Variants in C11orf21 observed in about 807,000 individuals in gnomAD.
C11orf21 encodes chromosome 11 open reading frame 21.
In C11orf21, 19 loss-of-function variants were observed where a neutral mutation model predicts 15.2. The observed-to-expected ratio is 1.25, with a 90% confidence interval of 0.87 to 1.84. The LOEUF (loss-of-function observed/expected upper bound fraction) is 1.84, where lower values mean the gene tolerates loss of function less well. C11orf21 is among the 40% of genes most tolerant of loss of function. C11orf21 has a pLI of 0.00. For missense variants in C11orf21, 171 were observed against 174.4 expected (o/e 0.98, Z 0.11); for synonymous variants, 62 against 66.8 (o/e 0.93, Z 0.35).
chr11:2,303,053 GC>G, upstream of C11orf21: 2 of 1,187,020 alleles, frequency 1.7e-6, no homozygotes, highest in Non-Finnish European at 2.4e-6. Flanking sequence ...CCAGAATGGT[GC>G]CAGGCCCTAG....
At chr11:2,299,364 A>G in intron 3 of C11orf21, 64 bp downstream of exon 3, 1 of 1,472,674 alleles carries the variant, frequency 6.8e-7, no homozygotes, top group Non-Finnish European at 9.0e-7. Context: ...CCCCGGTGGG[A>G]GGGGCCGCGC....
rs1847688112 is a variant in C11orf21 at position 2,300,514 on chromosome 11, T to C, written c.147+6A>G. On this transcript the variant is annotated splice_donor_region_variant and intron_variant, in intron 2 of 3. Coordinates refer to ENST00000381153, the MANE Select transcript of C11orf21 (RefSeq NM_001329958.2). ...TGGGGCACAGTGAGGGGGGCTGTGGTCAGACCTGGTCTCTGGAGGGCCAGC... is the reference window on the plus strand; with the variant it reads ...TGGGGCACAGTGAGGGGGGCTGTGGCCAGACCTGGTCTCTGGAGGGCCAGC... 2.6e-6 allele frequency: 4 copies of C among 1,541,726 alleles called. No homozygotes were observed. Among genetic ancestry groups the C allele is most frequent in the Non-Finnish European group, 3.5e-6 (4 of 1,142,638 alleles).
At chr11:2,300,777 G>A (rs767828409) in intron 1 of C11orf21, 164 bp from the exon 2 acceptor site, 11 of 1,550,358 alleles carry the variant, frequency 7.1e-6, no homozygotes, top group Admixed American at 3.9e-5. Flanking sequence ...TTCTAGGGGC[G>A]AACCAGACAT....
Position 2,299,441 on chromosome 11 carries a change from A to T in C11orf21, c.*15T>A. On this transcript the variant is annotated 3_prime_UTR_variant, in exon 3 of 4. Coordinates refer to ENST00000381153, the MANE Select transcript of C11orf21 (RefSeq NM_001329958.2). ...CCGGCTGCTCACCTCTGATGGACAG[A>T]AAAGGGTCCCTGTCTCAGGAAGGTA... 2 of 1,549,620 alleles carry T rather than the reference A, an allele frequency of 1.3e-6. No individual in the cohort carries two copies. Among genetic ancestry groups the T allele is most frequent in the Non-Finnish European group, 1.7e-6 (2 of 1,146,650 alleles).
At position 2,300,554 on chromosome 11, in the gene C11orf21, C is replaced by T. The variant is rs1847690462; in HGVS notation, c.113G>A (p.Trp38Ter). 2 of 1,549,092 alleles carry T rather than the reference C, an allele frequency of 1.3e-6. No individual in the cohort carries two copies. The highest frequency in any genetic ancestry group is 2.7e-5 in the African/African-American group (2 of 72,908). ...SQSGVEPPDR[W>*]TGTPGWPSRD... ...GGAGGGCCAGCCGGGGGTTCCCGTC[C>T]ACCTGTCAGGGGGTTCGACGCCACT... Residue 38 changes from tryptophan to a stop codon, truncating the protein, a stop_gained, in exon 2 of 4, where the codon TGG becomes TAG. Coordinates refer to ENST00000381153, the MANE Select transcript of C11orf21 (RefSeq NM_001329958.2). LOFTEE classifies it high-confidence loss of function.
chr11:2,300,733 C>T (rs1847700740), intron 1 of C11orf21, 120 bp from the exon 2 acceptor site: 13 of 1,550,876 alleles, frequency 8.4e-6, no homozygotes, highest in Non-Finnish European at 1.1e-5. Context: ...CCCGCCTCAC[C>T]AGCTCCAGGG....
At position 2,301,772 on chromosome 11, in the gene C11orf21, G is replaced by A. The variant is rs547238029; in HGVS notation, c.37C>T (p.Arg13Cys). The A allele has an allele frequency of 1.5e-5, 24 of 1,549,378 alleles. No homozygotes were observed. The highest frequency in any genetic ancestry group is 1.7e-4 in the Middle Eastern group (1 of 5,980). Residue 13 changes from arginine to cysteine, a missense_variant, in exon 1 of 4, where the codon CGC becomes TGC. Arg to Cys is a radical substitution (Grantham distance 180). Coordinates refer to ENST00000381153, the MANE Select transcript of C11orf21 (RefSeq NM_001329958.2). ...RTWCGMWRRR[R>C]PGRRSAVPRW... is the part of the protein sequence containing the mutation. ...GGAGCTCACCTCCTCCTCCCCGGGCGCCGTCTCCTCCACATCCCACACCAG... is the reference window on the plus strand; with the variant it reads ...GGAGCTCACCTCCTCCTCCCCGGGCACCGTCTCCTCCACATCCCACACCAG...
chr11:2,301,572 C>T (rs949204273), intron 1 of C11orf21, 184 bp downstream of exon 1: 55 of 552,310 alleles, frequency 1.0e-4, no homozygotes, highest in Non-Finnish European at 1.4e-4. Context: ...CCATGAGTGC[C>T]GCCCACGAAG....
intron 2 of C11orf21, among the ~76,000 whole-genome samples, chr11:2,300,102 G>C (rs1847651668): frequency 1.2e-5 from 1 of 81,378 alleles, no homozygotes; most frequent in Non-Finnish European, 2.5e-5. Flanking sequence ...GTGGGCAGGG[G>C]TTTGTGAGGG....
In C11orf21 at chr11:2,301,909, G is replaced by A; in HGVS notation, c.-101C>T. On this transcript the variant is annotated 5_prime_UTR_variant, in exon 1 of 4. Coordinates refer to ENST00000381153, the MANE Select transcript of C11orf21 (RefSeq NM_001329958.2). ...ATGTCAGCAAATGCCCTGGTGTCTT[G>A]GGCTGGGCTGGGGGCACCAGGGTGA... is the stretch of plus-strand genomic sequence containing the variant. 6.5e-7 allele frequency: 1 copy of A among 1,538,554 alleles called. No individual in the cohort carries two copies. The highest frequency in any genetic ancestry group is 8.8e-7 in the Non-Finnish European group (1 of 1,142,772).
intron 3 of C11orf21, among the ~76,000 whole-genome samples, chr11:2,298,293 G>A (rs1223832525): frequency 6.6e-6 from 1 of 152,204 alleles, no homozygotes; most frequent in African/African-American, 2.4e-5. Flanking sequence ...ATCGGGGTCT[G>A]GCCTGAAAGG....
chr11:2,302,189 A>C (rs946413051), upstream of C11orf21: 3 of 1,364,004 alleles, frequency 2.2e-6, no homozygotes, highest in East Asian at 8.3e-5. Flanking sequence ...CAAATGCCAG[A>C]TGCTGGTCAC....
chr11:2,301,434 C>G, intron 1 of C11orf21: 1 of 261,220 alleles, frequency 3.8e-6, no homozygotes, highest in Admixed American at 5.0e-5. Flanking sequence ...CCCACCCATA[C>G]GTAATTACAC....
At chr11:2,301,142 C>T in intron 1 of C11orf21, 2 of 272,868 alleles carry the variant, frequency 7.3e-6, no homozygotes, top group South Asian at 4.0e-5. Flanking sequence ...CCTCCAGCAG[C>T]GTTCCTGAGC....
upstream of C11orf21, chr11:2,302,910 C>A (rs140709712): frequency 3.7e-6 from 6 of 1,613,612 alleles, no homozygotes; most frequent in African/African-American, 5.3e-5. Context: ...TGCTGTCATC[C>A]GCCGAGCGTC....
chr11:2,299,392 G>T, intron 3 of C11orf21, 36 bp downstream of exon 3: 2 of 1,534,502 alleles, frequency 1.3e-6, no homozygotes, highest in Non-Finnish European at 1.8e-6. Flanking sequence ...CAGCACAGGG[G>T]CCCCCAGGCT....
At chr11:2,298,712 A>G (rs1847592033) in intron 3 of C11orf21, among the ~76,000 whole-genome samples, 1 of 152,114 alleles carries the variant, frequency 6.6e-6, no homozygotes, top group East Asian at 1.9e-4. Flanking sequence ...CCGGCCCCAC[A>G]TACTAGTGGG....
chr11:2,302,267 G>A, upstream of C11orf21: 1 of 1,347,814 alleles, frequency 7.4e-7, no homozygotes, highest in Non-Finnish European at 9.6e-7. Context: ...GAGCAGGGGT[G>A]AGGGGTGGCA....
upstream of C11orf21, chr11:2,301,980 C>T: frequency 6.7e-7 from 1 of 1,489,198 alleles, no homozygotes; most frequent in South Asian, 1.3e-5. Context: ...TTCCTGCCTG[C>T]CCTTCTTCCG....
Sources: gnomAD v4.1 joint callset for allele counts (sites outside exome capture counted in the v4.1 genomes callset) on GRCh38, gnomAD v4.1.1 for gene constraint, MANE v1.5 for transcripts, NCBI Gene and HGNC (gene_info 2026-07-23, HGNC 2026-07-21) for gene names.